SDR42E1: variants seen among roughly 807,000 people sequenced by gnomAD.
SDR42E1 encodes the protein short chain dehydrogenase/reductase family 42E, member 1.
SDR42E1 carries 5 observed loss-of-function variants against 2.6 expected under a neutral mutation model. That is an observed-to-expected ratio of 1.94 (90% CI 1.01 to 4.08). The LOEUF (loss-of-function observed/expected upper bound fraction) is 4.08. Among genes scored for constraint, SDR42E1 ranks in the 30% most tolerant of loss-of-function variants. The pLI is 0.00. For synonymous variants in SDR42E1, 231 were observed against 188.3 expected, an observed-to-expected ratio of 1.23 and a Z score of -1.86; for missense variants, 596 against 478.6, an observed-to-expected ratio of 1.25 and a Z score of -2.29.
Position 81,999,486 on chromosome 16 carries a change from C to G in SDR42E1, c.807G>C (p.Leu269=). ...GGAATGTGTAGCCCAGGCCCTCAAC[C>G]AGAGGCCGGAAGAACTCAAAGTTGT... ...PVNNFEFFRP[L]VEGLGYTFPS... The change falls in exon 3 of 3, where the codon CTG becomes CTC. Residue 269 remains leucine, a synonymous_variant. Transcript: ENST00000328945. 1 of 1,614,164 alleles carries G rather than the reference C, an allele frequency of 6.2e-7. No individual in the cohort carries two copies. The highest frequency in any genetic ancestry group is 8.5e-7 in the Non-Finnish European group (1 of 1,180,038).
intron 1 of SDR42E1, among the ~76,000 whole-genome samples, chr16:82,007,027 G>C (rs1346285606): frequency 1.3e-5 from 2 of 152,220 alleles, no homozygotes; most frequent in Non-Finnish European, 1.5e-5. Flanking sequence ...TGGCACAAGT[G>C]CCTTGCAATT....
rs766066993 is a variant in SDR42E1, at chr16:81,999,806, C to T, written c.487G>A (p.Val163Met). 2 of 1,614,212 alleles carry T rather than the reference C, an allele frequency of 1.2e-6. No individual in the cohort carries two copies. Among genetic ancestry groups the T allele is most frequent in the Admixed American group, 1.7e-5 (1 of 60,030 alleles). Residue 163 changes from valine (V) to methionine (M), a missense_variant, in exon 3 of 3, where the codon GTG becomes ATG. By Grantham distance (21) the Val-to-Met change is conservative (BLOSUM62 1). Coordinates refer to ENST00000328945, the MANE Select transcript of SDR42E1 (RefSeq NM_145168.3). ...SRTKSIAEQK[V>M]LEANATPLDR... ...AGGGGTGTAGCATTCGCCTCCAGCA[C>T]CTTCTGCTCTGCAATTGACTTTGTC...
At position 81,999,427 on chromosome 16, in the gene SDR42E1, C is replaced by A. The variant is rs982147241; in HGVS notation, c.866G>T (p.Cys289Phe). The A allele has an allele frequency of 1.1e-5, 17 of 1,614,040 alleles. No individual in the cohort carries two copies. Among genetic ancestry groups the A allele is most frequent in the Non-Finnish European group, 1.4e-5 (17 of 1,180,042 alleles). Residue 289 changes from cysteine to phenylalanine, a missense_variant, in exon 3 of 3, where the codon TGC becomes TTC. Cys to Phe is a radical substitution (Grantham distance 205). Transcript: ENST00000328945. The stretch of plus-strand genomic sequence containing the variant: ...AACCATCTCTGTTAGAAAAGCAAAG[C>A]AGTAGACCAAGGTCAATGGCAGGCG... ...STRLPLTLVY[C>F]FAFLTEMVHF...
chr16:81,999,692 C>T lies in SDR42E1; in HGVS notation c.601G>A (p.Val201Ile). Residue 201 changes from valine to isoleucine, a missense_variant, in exon 3 of 3, where the codon GTC becomes ATC. Val to Ile is a conservative substitution (Grantham distance 29, BLOSUM62 3). Coordinates refer to ENST00000328945, the MANE Select transcript of SDR42E1 (RefSeq NM_145168.3). ...AACAGACCCTTCTCGATGTAGCTGACTATCCTGGGAAGGTGTCTTTGTTCT... is the reference window on the plus strand; with the variant it reads ...AACAGACCCTTCTCGATGTAGCTGATTATCCTGGGAAGGTGTCTTTGTTCT... ...PGEQRHLPRI[V>I]SYIEKGLFKF... 6.2e-7 allele frequency: 1 copy of T among 1,614,236 alleles called. No individual in the cohort carries two copies. The highest frequency in any genetic ancestry group is 1.1e-5 in the South Asian group (1 of 91,086).
Position 81,999,531 on chromosome 16 carries a change from G to C in SDR42E1, c.762C>G (p.Ile254Met). ...AGTTGTTCACGGGTCTGCCATCTGAGATGAAGTAGGGCTGCCCAGAGGCAA... is the reference window on the plus strand; with the variant it reads ...AGTTGTTCACGGGTCTGCCATCTGACATGAAGTAGGGCTGCCCAGAGGCAA... ...GHIASGQPYF[I>M]SDGRPVNNFE... is the part of the protein sequence containing the mutation. The change falls in exon 3 of 3, where the codon ATC becomes ATG. Residue 254 changes from isoleucine (I) to methionine (M), a missense_variant. Coordinates refer to ENST00000328945, the MANE Select transcript of SDR42E1 (RefSeq NM_145168.3). The C allele has an allele frequency of 6.2e-7, 1 of 1,614,224 alleles. No homozygotes were observed. The highest frequency in any genetic ancestry group is 8.5e-7 in the Non-Finnish European group (1 of 1,180,026).
rs189840189 is a variant in SDR42E1, at chr16:81,988,916, A to G, written c.*10195T>C. 6.6e-6 allele frequency: 1 copy of G among 152,316 alleles called. No homozygotes were observed. The highest frequency in any genetic ancestry group is 2.4e-5 in the African/African-American group (1 of 41,564). The allele number at this position is 152,316 out of a possible 1,614,324, so 9.4% of individuals were successfully genotyped here. On this transcript the variant is annotated 3_prime_UTR_variant, in exon 3 of 3. Coordinates refer to ENST00000328945, the MANE Select transcript of SDR42E1 (RefSeq NM_145168.3). ...TGGTAGAATACTGCTACATACCCAGAATTCAGGATTTTCTACTATATTCTA... is the reference window on the plus strand; with the variant it reads ...TGGTAGAATACTGCTACATACCCAGGATTCAGGATTTTCTACTATATTCTA...
Position 81,999,332 on chromosome 16 carries a change from C to T in SDR42E1, c.961G>A (p.Val321Ile), listed in dbSNP as rs748852833. 30 of 1,614,090 alleles carry T rather than the reference C, an allele frequency of 1.9e-5. No homozygotes were observed. Among genetic ancestry groups the T allele is most frequent in the African/African-American group, 5.3e-5 (4 of 74,934 alleles). ...TTCTCTAAGCTAAAATAATGTGTGACACCAGTTTTGTAAACTTCAGTGCGA... is the reference window on the plus strand; with the variant it reads ...TTCTCTAAGCTAAAATAATGTGTGATACCAGTTTTGTAAACTTCAGTGCGA... ...LTRTEVYKTGVTHYFSLEKAK... is the reference protein window; with the variant it reads ...LTRTEVYKTGITHYFSLEKAK... The change falls in exon 3 of 3, where the codon GTC becomes ATC. Residue 321 changes from valine to isoleucine, a missense_variant. By Grantham distance (29) the Val-to-Ile change is conservative (BLOSUM62 3). Transcript: ENST00000328945.
chr16:82,001,517 C>A (rs1912757388), intron 1 of SDR42E1, among the ~76,000 whole-genome samples: 1 of 152,014 alleles, frequency 6.6e-6, no homozygotes, highest in South Asian at 2.1e-4. Flanking sequence ...CTTCTGTGGC[C>A]CTCCCCGCAT....
At chr16:82,005,867 T>G (rs1308591376) in intron 1 of SDR42E1, among the ~76,000 whole-genome samples, 2 of 151,956 alleles carry the variant, frequency 1.3e-5, no homozygotes, top group Admixed American at 1.3e-4. Context: ...TAAAAAAAAA[T>G]TAAATTTAAA....
chr16:82,007,402 CTCTG>C (rs1327300583), intron 1 of SDR42E1, among the ~76,000 whole-genome samples: 7 of 152,354 alleles, frequency 4.6e-5, no homozygotes, highest in Non-Finnish European at 8.8e-5. Context: ...TTGTGCAACA[CTCTG>C]TCTGTGAATT....
chr16:82,009,088 C>G (rs1220739119), intron 1 of SDR42E1, among the ~76,000 whole-genome samples: 1 of 152,334 alleles, frequency 6.6e-6, no homozygotes, highest in East Asian at 1.9e-4. Flanking sequence ...AAGTCAAGAA[C>G]TGAGGTTTGG....
chr16:82,009,507 G>C (rs1048093574), intron 1 of SDR42E1, among the ~76,000 whole-genome samples: 1 of 152,252 alleles, frequency 6.6e-6, no homozygotes, highest in Non-Finnish European at 1.5e-5. Context: ...GGAGTTTCAA[G>C]ATGTGACTGC....
chr16:82,000,344 G>A, intron 2 of SDR42E1, 120 bp from the exon 3 acceptor site: 1 of 1,250,672 alleles, frequency 8.0e-7, no homozygotes, highest in Non-Finnish European at 1.2e-6. Context: ...CTCATCCTGA[G>A]CCCCTCACTA....
chr16:81,993,846 C>A lies in SDR42E1; in HGVS notation c.*5265G>T, dbSNP rs959674702. 1 of 152,034 alleles carries A rather than the reference C, an allele frequency of 6.6e-6. No homozygotes were observed. The highest frequency in any genetic ancestry group is 1.5e-5 in the Non-Finnish European group (1 of 68,002). 9.4% of individuals were successfully genotyped at this position (152,034 alleles called of 1,614,324 possible). ...TACTCTGCTTAAAGGTATGTTGGTG[C>A]CAAATATACATGATTTGAATAAACG... On this transcript the variant is annotated 3_prime_UTR_variant, in exon 3 of 3. Coordinates refer to ENST00000328945, the MANE Select transcript of SDR42E1 (RefSeq NM_145168.3).
rs1247577058 is a variant in SDR42E1, at chr16:81,993,265, T to C, written c.*5846A>G. The stretch of plus-strand genomic sequence containing the variant: ...AGAAGTCAGGAGCCTCTCAGCATCT[T>C]GCAAGGGAGCCAGTGTTTAGTATCT... On this transcript the variant is annotated 3_prime_UTR_variant, in exon 3 of 3. Coordinates refer to ENST00000328945, the MANE Select transcript of SDR42E1 (RefSeq NM_145168.3). 2.6e-5 allele frequency: 4 copies of C among 152,168 alleles called. No homozygotes were observed. The highest frequency in any genetic ancestry group is 5.9e-5 in the Non-Finnish European group (4 of 68,048). The allele number at this position is 152,168 out of a possible 1,614,324, so 9.4% of individuals were successfully genotyped here.
rs760134253 is a variant in SDR42E1, at chr16:81,988,945, T to C, written c.*10166A>G. 8.5e-5 allele frequency: 13 copies of C among 152,226 alleles called. No individual in the cohort carries two copies. Among genetic ancestry groups the C allele is most frequent in the Non-Finnish European group, 1.6e-4 (11 of 68,040 alleles). 9.4% of individuals were successfully genotyped at this position (152,226 alleles called of 1,614,324 possible). On this transcript the variant is annotated 3_prime_UTR_variant, in exon 3 of 3. Transcript: ENST00000328945. Reference sequence around the variant, plus strand: ...CAGGATTTTCTACTATATTCTATTCTAGTACAAAATGAGATTTTTTCCCCT... The same window carrying C: ...CAGGATTTTCTACTATATTCTATTCCAGTACAAAATGAGATTTTTTCCCCT...
rs779122516 is a variant in SDR42E1, at chr16:81,999,117, T to C, written c.1176A>G (p.Ser392=). The change falls in exon 3 of 3, where the codon TCA becomes TCG. Residue 392 remains serine (S), a synonymous_variant. Coordinates refer to ENST00000328945, the MANE Select transcript of SDR42E1 (RefSeq NM_145168.3). ...LMWLPSSVIL[S]L ...CTTATTTCTGGCCCCTCCTTCACAGTGACAGAATCACAGAAGAAGGCAGCC... is the reference window on the plus strand; with the variant it reads ...CTTATTTCTGGCCCCTCCTTCACAGCGACAGAATCACAGAAGAAGGCAGCC... 43 of 1,612,938 alleles carry C rather than the reference T, an allele frequency of 2.7e-5. No individual in the cohort carries two copies. In the East Asian group the frequency reaches 5.3e-4, roughly 20 times the overall value.
chr16:81,997,416 C>G lies in SDR42E1; in HGVS notation c.*1695G>C, dbSNP rs1292348665. ...TACTGAATAGGATTGACCTGCATAA[C>G]CAATATACTGTGGAATGACACTGTG... On this transcript the variant is annotated 3_prime_UTR_variant, in exon 3 of 3. Transcript: ENST00000328945. The G allele has an allele frequency of 6.6e-6, 1 of 152,112 alleles. No homozygotes were observed. The highest frequency in any genetic ancestry group is 1.5e-5 in the Non-Finnish European group (1 of 68,042). The allele number at this position is 152,112 out of a possible 1,614,324, so 9.4% of individuals were successfully genotyped here.
chr16:81,993,547 G>C lies in SDR42E1; in HGVS notation c.*5564C>G, dbSNP rs1912475409. 6.6e-6 allele frequency: 1 copy of C among 152,174 alleles called. No individual in the cohort carries two copies. Among genetic ancestry groups the C allele is most frequent in the African/African-American group, 2.4e-5 (1 of 41,434 alleles). The allele number at this position is 152,174 out of a possible 1,614,324, so 9.4% of individuals were successfully genotyped here. On this transcript the variant is annotated 3_prime_UTR_variant, in exon 3 of 3. Transcript: ENST00000328945. ...TTTTACATGATGTCACCCTTCTGGAGTCTGCATTTTTAATTTAGGCCTTGA... is the reference window on the plus strand; with the variant it reads ...TTTTACATGATGTCACCCTTCTGGACTCTGCATTTTTAATTTAGGCCTTGA...
Sources: gnomAD v4.1 joint callset for allele counts (sites outside exome capture counted in the v4.1 genomes callset) on GRCh38, gnomAD v4.1.1 for gene constraint, MANE v1.5 for transcripts, NCBI Gene and HGNC (gene_info 2026-07-23, HGNC 2026-07-21) for gene names.